The following IL18RAP variants were observed in gnomAD, a reference collection of about 807,000 sequenced individuals.
IL18RAP encodes interleukin-18 receptor accessory protein.
IL18RAP carries 37 observed loss-of-function variants against 58.1 expected under a neutral mutation model. The ratio of observed to expected loss-of-function variants is 0.64; its 90% confidence interval spans 0.49 to 0.84. IL18RAP has a LOEUF of 0.84. Among genes scored for constraint, IL18RAP ranks in the 40% least tolerant of loss-of-function variants. IL18RAP has a pLI of 0.00. For missense variants in IL18RAP, 667 were observed against 704.8 expected (o/e 0.95, Z 0.61); for synonymous variants, 268 against 257.5 (o/e 1.04, Z -0.39).
intron 6 of IL18RAP, 30 bp from the exon 7 acceptor site, chr2:102,445,159 A>C (rs767016118): frequency 1.2e-6 from 2 of 1,605,710 alleles, no homozygotes; most frequent in East Asian, 4.5e-5. Flanking sequence ...TATGTTACTG[A>C]ATGGAGTGGT....
In IL18RAP at chr2:102,452,054, A is replaced by C. The variant is rs1157358920; in HGVS notation, c.1673A>C (p.His558Pro). ...NSRFWAKMRY[H>P]MPVKNSQGFT... The stretch of plus-strand genomic sequence containing the variant: ...AGGTTCTGGGCCAAAATGCGCTACC[A>C]CATGCCTGTGAAAAACTCTCAGGGA... The change falls in exon 10 of 10, where the codon CAC becomes CCC. Residue 558 changes from histidine (H) to proline (P), a missense_variant. Transcript: ENST00000687160. The C allele has an allele frequency of 1.9e-6, 3 of 1,613,992 alleles. No individual in the cohort carries two copies. Among genetic ancestry groups the C allele is most frequent in the South Asian group, 2.2e-5 (2 of 91,078 alleles).
rs777331337 is a variant in IL18RAP, at chr2:102,423,911, C to T, written c.171C>T (p.Cys57=). 3.7e-6 allele frequency: 6 copies of T among 1,613,342 alleles called. No individual in the cohort carries two copies. Among genetic ancestry groups the T allele is most frequent in the East Asian group, 2.2e-5 (1 of 44,892 alleles). The part of the protein sequence containing the change: ...DLPEPQKSHF[C]HRNRLSPKQV... Reference sequence around the variant, plus strand: ...CAGAGCCACAGAAATCACATTTCTGCCACAGAAATCGACTCTCACCAAAAC... The same window carrying T: ...CAGAGCCACAGAAATCACATTTCTGTCACAGAAATCGACTCTCACCAAAAC... The change falls in exon 2 of 10, where the codon TGC becomes TGT. Residue 57 remains cysteine (C), a synonymous_variant. Coordinates refer to ENST00000687160, the MANE Select transcript of IL18RAP (RefSeq NM_001393487.1).
intron 5 of IL18RAP, among the ~76,000 whole-genome samples, chr2:102,442,996 G>T (rs1683196536): frequency 6.6e-6 from 1 of 152,136 alleles, no homozygotes. Flanking sequence ...GAGATAGAAG[G>T]ATTGCCCATT....
intron 8 of IL18RAP, among the ~76,000 whole-genome samples, chr2:102,448,041 G>A (rs1322052367): frequency 6.6e-6 from 1 of 152,090 alleles, no homozygotes; most frequent in Non-Finnish European, 1.5e-5. Flanking sequence ...GCCACATTAA[G>A]TATTTAGAAT....
intron 6 of IL18RAP, 137 bp downstream of exon 6, chr2:102,443,460 A>G (rs942822935): frequency 1.1e-5 from 10 of 918,926 alleles, no homozygotes; most frequent in African/African-American, 1.7e-5. Context: ...CAAAAATGCA[A>G]AGTGCAAACG....
intron 9 of IL18RAP, 45 bp from the exon 10 acceptor site, chr2:102,451,721 G>A (rs1025624569): frequency 6.6e-7 from 1 of 1,524,056 alleles, no homozygotes; most frequent in Non-Finnish European, 8.9e-7. Flanking sequence ...TCTGACTCAA[G>A]GTTTAACAAT....
At chr2:102,420,619 G>A (rs183961080), upstream of IL18RAP, among the ~76,000 whole-genome samples, 12 of 152,264 alleles carry the variant, frequency 7.9e-5, no homozygotes, top group African/African-American at 2.4e-4. Flanking sequence ...CATAAATTGC[G>A]GGATGGTAGA....
chr2:102,424,818 C>A lies in IL18RAP; in HGVS notation c.579+404C>A, dbSNP rs6748998. ...GAAGGGTTTGTGAAAGTTACAGGAGCCTGAAATACATTCCCAAAAGACAGC... is the reference window on the plus strand; with the variant it reads ...GAAGGGTTTGTGAAAGTTACAGGAGACTGAAATACATTCCCAAAAGACAGC... On this transcript the variant is annotated intron_variant, in intron 3 of 9. Transcript: ENST00000687160. Among the ~76,000 whole-genome samples, 301 of 152,240 alleles carry A rather than the reference C, an allele frequency of 2.0e-3. 1 individual carries two copies. The highest frequency in any genetic ancestry group is 7.1e-3 in the African/African-American group (296 of 41,530).
chr2:102,419,118 T>C (rs1306431038), upstream of IL18RAP, among the ~76,000 whole-genome samples: 1 of 152,054 alleles, frequency 6.6e-6, no homozygotes, highest in Admixed American at 6.6e-5. Context: ...ATATACGGAG[T>C]CTTCACTTAA....
chr2:102,451,119 TG>T, intron 9 of IL18RAP, 98 bp downstream of exon 9: 1 of 984,368 alleles, frequency 1.0e-6, no homozygotes, highest in East Asian at 2.6e-5. Flanking sequence ...AATATAGATC[TG>T]GGAGATTACA....
At chr2:102,421,410 G>A (rs1051220123), upstream of IL18RAP, among the ~76,000 whole-genome samples, 2 of 152,214 alleles carry the variant, frequency 1.3e-5, no homozygotes, top group African/African-American at 2.4e-5. Flanking sequence ...TCACATGGGT[G>A]GTGGGAGCCG....
chr2:102,421,221 T>C (rs981958915), upstream of IL18RAP, among the ~76,000 whole-genome samples: 1 of 152,198 alleles, frequency 6.6e-6, no homozygotes, highest in Non-Finnish European at 1.5e-5. Flanking sequence ...CAATAATATG[T>C]GCTAAGACAA....
rs544885005 is a variant in IL18RAP, at chr2:102,425,876, C to G, written c.579+1462C>G. Among the ~76,000 whole-genome samples the G allele has an allele frequency of 7.2e-5, 11 of 152,218 alleles. No homozygotes were observed. The South Asian group carries it at 2.1e-3, about 29-fold the overall frequency. On this transcript the variant is annotated intron_variant, in intron 3 of 9. Transcript: ENST00000687160. ...TAAACTAAACCCTAAAACTGTATGACATTCACAAAAGGAAGCTTTGTTTCA... is the reference window on the plus strand; with the variant it reads ...TAAACTAAACCCTAAAACTGTATGAGATTCACAAAAGGAAGCTTTGTTTCA...
Position 102,452,312 on chromosome 2 carries a change from T to C in IL18RAP, c.*131T>C, listed in dbSNP as rs1558650645. On this transcript the variant is annotated 3_prime_UTR_variant, in exon 10 of 10. Transcript: ENST00000687160. ...AGTCTCCTGCCAGCACCAAGCAAGC[T>C]TGATGGACAATGGAGTGGGATTGAG... 3.5e-6 allele frequency: 3 copies of C among 866,220 alleles called. No individual in the cohort carries two copies. The highest frequency in any genetic ancestry group is 5.3e-6 in the Non-Finnish European group (3 of 569,100). The allele number at this position is 866,220 out of a possible 1,614,324, so 53.7% of individuals were successfully genotyped here.
At position 102,423,814 on chromosome 2, in the gene IL18RAP, G is replaced by C. The variant is rs1026827083; in HGVS notation, c.74G>C (p.Cys25Ser). ...ERIKGFNISG[C>S]STKKLLWTYS... ...CTTTGTTTATTATGATTTTCAGGTT[G>C]TTCCACAAAAAAACTCCTTTGGACA... The change falls in exon 2 of 10, where the codon TGT (cysteine) becomes TCT (serine). Residue 25 changes from cysteine to serine, a missense_variant. Coordinates refer to ENST00000687160, the MANE Select transcript of IL18RAP (RefSeq NM_001393487.1). 3 of 1,608,340 alleles carry C rather than the reference G, an allele frequency of 1.9e-6. No homozygotes were observed. Among genetic ancestry groups the C allele is most frequent in the Non-Finnish European group, 2.6e-6 (3 of 1,175,624 alleles).
chr2:102,447,263 G>T (rs1683484668), intron 8 of IL18RAP, 56 bp downstream of exon 8: 1 of 1,579,762 alleles, frequency 6.3e-7, no homozygotes, highest in African/African-American at 1.4e-5. Context: ...TTGACTTGGA[G>T]CAGGACAACA....
At chr2:102,437,117 C>T in intron 3 of IL18RAP, 95 bp from the exon 4 acceptor site, 3 of 1,151,546 alleles carry the variant, frequency 2.6e-6, no homozygotes, top group Non-Finnish European at 3.7e-6. Flanking sequence ...GACCTTCTTC[C>T]TCCCTGTTCA....
intron 3 of IL18RAP, among the ~76,000 whole-genome samples, chr2:102,424,624 T>A (rs1681816800): frequency 6.6e-6 from 1 of 152,128 alleles, no homozygotes; most frequent in Admixed American, 6.5e-5. Flanking sequence ...AGAGGCATCC[T>A]TTTGATCAAC....
chr2:102,438,008 T>C (rs1682862241), intron 4 of IL18RAP, among the ~76,000 whole-genome samples: 1 of 152,346 alleles, frequency 6.6e-6, no homozygotes, highest in South Asian at 2.1e-4. Flanking sequence ...TAATACTTGG[T>C]GTTATCAGAC....
Sources: allele counts gnomAD v4.1 joint callset (sites outside exome capture counted in the v4.1 genomes callset), GRCh38; gene constraint gnomAD v4.1.1; transcripts MANE v1.5; gene names NCBI Gene and HGNC (gene_info 2026-07-23, HGNC 2026-07-21).